Variants in STX8 observed in about 807,000 individuals in gnomAD.
STX8 encodes the protein syntaxin 8, also known as syntaxin-8.
Under a neutral mutation model 37.5 loss-of-function variants are expected in STX8, and 23 were observed. The ratio of observed to expected loss-of-function variants is 0.61; its 90% CI spans 0.44 to 0.87. STX8 has a LOEUF of 0.87. Ranked by LOEUF, STX8 falls within the 40% of genes least tolerant of loss-of-function variation. The pLI is 0.00. For missense variants in STX8, 313 were observed against 284.7 expected (o/e 1.10, Z -0.71); for synonymous variants, 115 against 99.1 (o/e 1.16, Z -0.95).
At chr17:9,373,309 G>A (rs1015318592) in intron 7 of STX8, among the ~76,000 whole-genome samples, 3 of 152,104 alleles carry the variant, frequency 2.0e-5, no homozygotes, top group Non-Finnish European at 4.4e-5. Flanking sequence ...GCAGCTATTT[G>A]TACAGCAACA....
At chr17:9,495,284 TAAC>T (rs1421426908) in intron 5 of STX8, among the ~76,000 whole-genome samples, 1 of 152,172 alleles carries the variant, frequency 6.6e-6, no homozygotes, top group Non-Finnish European at 1.5e-5. Context: ...TGGTCTTTAA[TAAC>T]AACCTCTTGG....
intron 6 of STX8, among the ~76,000 whole-genome samples, chr17:9,438,789 C>T (rs948949128): frequency 2.0e-5 from 3 of 151,816 alleles, no homozygotes; most frequent in South Asian, 2.1e-4. Flanking sequence ...ATTAGCCGGG[C>T]GGTGGTGGTG....
intron 4 of STX8, among the ~76,000 whole-genome samples, chr17:9,516,337 A>ATATT (rs1905160325): frequency 7.7e-6 from 1 of 129,078 alleles, no homozygotes; most frequent in Admixed American, 7.6e-5. Flanking sequence ...ATATATATAT[A>ATATT]TATATAGACA....
intron 7 of STX8, among the ~76,000 whole-genome samples, chr17:9,298,178 G>A (rs1908635224): frequency 6.6e-6 from 1 of 152,186 alleles, no homozygotes; most frequent in Non-Finnish European, 1.5e-5. Context: ...TCTGACGTGG[G>A]AGCATGGATG....
intron 6 of STX8, among the ~76,000 whole-genome samples, chr17:9,386,649 G>T (rs1912025158): frequency 6.6e-6 from 1 of 150,936 alleles, no homozygotes; most frequent in African/African-American, 2.5e-5. Context: ...CAAGAGTCAT[G>T]CAATCACCTT....
intron 4 of STX8, among the ~76,000 whole-genome samples, chr17:9,506,412 C>CA (rs1555532628): frequency 1.2e-5 from 1 of 85,584 alleles, no homozygotes; most frequent in Non-Finnish European, 2.5e-5. Context: ...CCCGCTCCCC[C>CA]CCCCCCCCAC....
intron 6 of STX8, among the ~76,000 whole-genome samples, chr17:9,404,227 C>A (rs1045566333): frequency 4.0e-5 from 6 of 151,898 alleles, no homozygotes; most frequent in Admixed American, 3.9e-4. Context: ...AGGGGTTGGT[C>A]TTGCTGTCTC....
chr17:9,313,852 G>C (rs932335510), intron 7 of STX8, among the ~76,000 whole-genome samples: 1 of 152,096 alleles, frequency 6.6e-6, no homozygotes, highest in Non-Finnish European at 1.5e-5. Context: ...GGATGGTCTC[G>C]ATCTCCTGAC....
chr17:9,516,545 T>C (rs776939412), intron 4 of STX8, among the ~76,000 whole-genome samples: 5 of 151,636 alleles, frequency 3.3e-5, no homozygotes, highest in Non-Finnish European at 7.4e-5. Context: ...CCCAAACCTA[T>C]GAGGAAATCC....
intron 6 of STX8, among the ~76,000 whole-genome samples, chr17:9,464,291 A>T (rs1454453533): frequency 1.3e-5 from 2 of 152,172 alleles, no homozygotes; most frequent in Non-Finnish European, 2.9e-5. Flanking sequence ...GTAAATTATG[A>T]TCTGCAATTG....
chr17:9,280,277 C>T lies in STX8; in HGVS notation c.644-29632G>A, dbSNP rs116851980. ...AAAAAGTGTATTAATAACTGATGAACGGCCGGGCACAGTGGCTCACGCCTG... is the reference window on the plus strand; with the variant it reads ...AAAAAGTGTATTAATAACTGATGAATGGCCGGGCACAGTGGCTCACGCCTG... On this transcript the variant is annotated intron_variant, in intron 7 of 7. Transcript: ENST00000306357. Among the ~76,000 whole-genome samples the T allele has an allele frequency of 2.1e-3, 318 of 152,206 alleles. 7 individuals are homozygous for T. In the East Asian group the frequency reaches 0.039, roughly 19 times the overall value.
intron 6 of STX8, among the ~76,000 whole-genome samples, chr17:9,395,323 T>TA (rs1486142558): frequency 5.3e-5 from 8 of 151,686 alleles, no homozygotes; most frequent in Admixed American, 6.6e-5. Flanking sequence ...ATATGGCAGC[T>TA]GGACGCAGTG....
intron 6 of STX8, among the ~76,000 whole-genome samples, chr17:9,459,915 G>A (rs1233114253): frequency 6.6e-6 from 1 of 152,196 alleles, no homozygotes; most frequent in Non-Finnish European, 1.5e-5. Context: ...GCATCTAGAA[G>A]GATGCTGCAG....
Position 9,288,675 on chromosome 17 carries a change from A to AAAAT in STX8, c.644-38034_644-38031dup, listed in dbSNP as rs560148486. On this transcript the variant is annotated intron_variant, in intron 7 of 7. Transcript: ENST00000306357. ...AGACTCCGTCTCGAAATAAATAAAT[A>AAAAT]AAATAAATAAATAAATAAATAAATA... is the stretch of plus-strand genomic sequence containing the variant. Among the ~76,000 whole-genome samples, 1,268 of 151,034 alleles carry AAAAT rather than the reference A, an allele frequency of 8.4e-3. 9 individuals carry two copies. The highest frequency in any genetic ancestry group is 0.027 in the East Asian group (138 of 5,168).
At chr17:9,348,465 C>T (rs1597618121) in intron 7 of STX8, among the ~76,000 whole-genome samples, 1 of 150,936 alleles carries the variant, frequency 6.6e-6, no homozygotes, top group Non-Finnish European at 1.5e-5. Flanking sequence ...TATAGCCTAT[C>T]CAAACCATTC....
intron 7 of STX8, among the ~76,000 whole-genome samples, chr17:9,296,629 TAAA>T (rs56185238): frequency 0.31 from 43,449 of 140,270 alleles, 6,750 homozygotes; most frequent in East Asian, 0.45. Context: ...GTTGAAAGAC[TAAA>T]AAAAAAAAAA....
intron 1 of STX8, among the ~76,000 whole-genome samples, chr17:9,570,302 C>T (rs35301961): frequency 0.16 from 24,110 of 151,710 alleles, 2,690 homozygotes; most frequent in East Asian, 0.5. Context: ...CTGACCTGAG[C>T]CAGGTCCTAT....
chr17:9,329,861 T>C (rs1212407980), intron 7 of STX8, among the ~76,000 whole-genome samples: 1 of 151,440 alleles, frequency 6.6e-6, no homozygotes, highest in Non-Finnish European at 1.5e-5. Context: ...AGGGAAGAGG[T>C]TGGATCCTGT....
chr17:9,420,442 C>A (rs763894723), intron 6 of STX8, among the ~76,000 whole-genome samples: 8 of 152,116 alleles, frequency 5.3e-5, no homozygotes, highest in Non-Finnish European at 8.8e-5. Flanking sequence ...TTCTAAATGT[C>A]CCCTCTCCTT....
Sources: allele counts gnomAD v4.1 joint callset (sites outside exome capture counted in the v4.1 genomes callset), GRCh38; gene constraint gnomAD v4.1.1; transcripts MANE v1.5; gene names NCBI Gene and HGNC (gene_info 2026-07-23, HGNC 2026-07-21).